Variants in OGG1 observed in about 807,000 individuals in gnomAD.
The protein encoded by OGG1 is 8-oxoguanine DNA glycosylase.
OGG1 carries 35 observed loss-of-function variants against 42.3 expected under a neutral mutation model. That is an observed-to-expected ratio of 0.83 (90% CI 0.63 to 1.10). The LOEUF (loss-of-function observed/expected upper bound fraction) is 1.10. Among genes scored for constraint, OGG1 ranks in the 50% least tolerant of loss-of-function variants. The pLI is 0.00. For missense variants in OGG1, 484 were observed against 446.7 expected (o/e 1.08, Z -0.75); for synonymous variants, 189 against 179.0 (o/e 1.06, Z -0.44).
chr3:9,785,843 G>A (rs1055261562), intron 3 of OGG1, among the ~76,000 whole-genome samples: 8 of 152,134 alleles, frequency 5.3e-5, no homozygotes, highest in African/African-American at 1.9e-4. Flanking sequence ...ATGGTCATGT[G>A]ACAAGTTCTC....
chr3:9,784,261 G>A (rs768801737), intron 3 of OGG1: 2 of 1,574,750 alleles, frequency 1.3e-6, no homozygotes, highest in East Asian at 2.3e-5. Flanking sequence ...GCTTGGAGAA[G>A]GGCCCACCTT....
At chr3:9,769,593 A>C (rs1313031126), downstream of OGG1, among the ~76,000 whole-genome samples, 1 of 152,006 alleles carries the variant, frequency 6.6e-6, no homozygotes. Context: ...AGTCAGGCCC[A>C]GCTGAAGGCG....
At chr3:9,762,979 T>C in intron 7 of OGG1, 1 of 1,614,150 alleles carries the variant, frequency 6.2e-7, no homozygotes, top group Non-Finnish European at 8.5e-7. Flanking sequence ...ACCTGGAAGA[T>C]GAGGCGGCTG....
At chr3:9,756,383 G>A in intron 4 of OGG1, 88 bp from the exon 5 acceptor site, 1 of 1,339,368 alleles carries the variant, frequency 7.5e-7, no homozygotes, top group Non-Finnish European at 1.1e-6. Flanking sequence ...CAGAGTGAAG[G>A]AGAAAGCAGC....
chr3:9,781,834 T>C (rs940192746), intron 3 of OGG1, among the ~76,000 whole-genome samples: 3 of 29,712 alleles, frequency 1.0e-4, no homozygotes, highest in Non-Finnish European at 1.8e-4. Flanking sequence ...CCATTACTTC[T>C]TTTTTTTTTT....
At chr3:9,766,249 A>G (rs1325849189) in exon 8 of OGG1, 2 of 711,518 alleles carry the variant, frequency 2.8e-6, no homozygotes, top group Non-Finnish European at 5.1e-6. Context: ...AGGAAGTCCA[A>G]CCTGAGAAAT....
At chr3:9,777,110 G>C (rs1178561467) in intron 2 of OGG1, among the ~76,000 whole-genome samples, 2 of 152,144 alleles carry the variant, frequency 1.3e-5, no homozygotes, top group Admixed American at 1.3e-4. Context: ...GACCCACTGT[G>C]GGTCAGAGCT....
At chr3:9,781,403 C>T (rs1288281823) in intron 2 of OGG1, 1 of 426,530 alleles carries the variant, frequency 2.3e-6, no homozygotes, top group Admixed American at 2.4e-5. Context: ...TCATATGTTA[C>T]CCGTGAGGAA....
chr3:9,783,867 A>C, intron 3 of OGG1: 1 of 1,278,848 alleles, frequency 7.8e-7, no homozygotes, highest in Middle Eastern at 2.8e-4. Context: ...TGTTTGGGAC[A>C]TACCCGGTGG....
At position 9,757,082 on chromosome 3, in the gene OGG1, C is replaced by G; in HGVS notation, c.970C>G (p.Arg324Gly). The G allele has an allele frequency of 6.2e-7, 1 of 1,614,104 alleles. No homozygotes were observed. The highest frequency in any genetic ancestry group is 1.1e-5 in the South Asian group (1 of 91,084). ...ACAGGTGCTGTTCAGTGCCGACCTG[C>G]GCCAATCCCGCCATGCTCAGGAGCC... ...AQAVLFSADL[R>G]QSRHAQEPPA... Residue 324 changes from arginine to glycine, a missense_variant, in exon 7 of 7, where the codon CGC becomes GGC. Coordinates refer to ENST00000344629, the MANE Select transcript of OGG1 (RefSeq NM_002542.6). The surrounding 1 kb of genome is among the most constrained non-coding windows in gnomAD (Gnocchi z 4.5).
At chr3:9,759,635 A>G, downstream of OGG1, 1 of 1,614,086 alleles carries the variant, frequency 6.2e-7, no homozygotes, top group South Asian at 1.1e-5. Context: ...GAGGGCCCCA[A>G]ATCCCGCCCC....
downstream of OGG1, among the ~76,000 whole-genome samples, chr3:9,768,361 C>A (rs965508184): frequency 2.0e-5 from 3 of 152,238 alleles, no homozygotes; most frequent in Non-Finnish European, 2.9e-5. Context: ...CCTCTCCCTC[C>A]TGACTCCCCA....
intron 2 of OGG1, among the ~76,000 whole-genome samples, chr3:9,778,587 A>C (rs1413531255): frequency 6.6e-6 from 1 of 152,208 alleles, no homozygotes; most frequent in East Asian, 1.9e-4. Flanking sequence ...ATTCTCAAGC[A>C]GGTTTTTCCC....
downstream of OGG1, chr3:9,759,154 G>C (rs200785702): frequency 2.6e-6 from 4 of 1,518,036 alleles, no homozygotes; most frequent in Non-Finnish European, 2.7e-6. Context: ...ACATTATTCC[G>C]CTATGCCTCA....
chr3:9,787,260 T>A, intron 3 of OGG1: 1 of 1,614,208 alleles, frequency 6.2e-7, no homozygotes, highest in Non-Finnish European at 8.5e-7. Context: ...CCACAGCCGC[T>A]GCCCGGGCCC....
At chr3:9,785,420 AT>A (rs1435860937) in intron 3 of OGG1, 1 of 1,611,262 alleles carries the variant, frequency 6.2e-7, no homozygotes, top group Admixed American at 1.7e-5. Context: ...GGGAAATAAT[AT>A]TTTCCTAGAA....
downstream of OGG1, chr3:9,760,038 C>G (rs2077776642): frequency 3.2e-6 from 1 of 314,672 alleles, no homozygotes; most frequent in Non-Finnish European, 6.1e-6. Context: ...GTCAGGAGTT[C>G]AAGACCAGCC....
At chr3:9,785,467 C>G (rs1252308786) in intron 3 of OGG1, 1 of 1,376,918 alleles carries the variant, frequency 7.3e-7, no homozygotes, top group South Asian at 1.2e-5. Flanking sequence ...AATAGCTGTT[C>G]CACTTTCCTG....
Position 9,751,148 on chromosome 3 carries a change from G to T in OGG1, c.341G>T (p.Gly114Val), listed in dbSNP as rs769497661. 1 of 1,614,022 alleles carries T rather than the reference G, an allele frequency of 6.2e-7. No homozygotes were observed. Among genetic ancestry groups the T allele is most frequent in the Non-Finnish European group, 8.5e-7 (1 of 1,179,996 alleles). Residue 114 changes from glycine (G) to valine (V), a missense_variant, in exon 2 of 7, where the codon GGT (glycine) becomes GTT (valine). Transcript: ENST00000344629. ...CTGGCTCAACTGTATCACCACTGGG[G>T]TTCCGTGGACTCCCACTTCCAAGAG... The part of the protein sequence containing the change: ...VTLAQLYHHW[G>V]SVDSHFQEVA...
Sources: gnomAD v4.1 joint callset for allele counts (sites outside exome capture counted in the v4.1 genomes callset) on GRCh38, gnomAD v4.1.1 for gene constraint, Gnocchi (gnomAD v3.1) non-coding constraint, MANE v1.5 for transcripts, NCBI Gene and HGNC (gene_info 2026-07-23, HGNC 2026-07-21) for gene names.